SYNJ2: variants seen among roughly 807,000 people sequenced by gnomAD.
The protein encoded by SYNJ2 is synaptojanin 2, also known as polyphosphatidylinositol phosphatase SYNJ2.
Under a neutral mutation model 141.3 loss-of-function variants are expected in SYNJ2, and 116 were observed. That is an observed-to-expected ratio of 0.82 (90% confidence interval 0.71 to 0.96). The LOEUF (loss-of-function observed/expected upper bound fraction) is 0.96, where lower values mean the gene tolerates loss of function less well. SYNJ2 is among the 40% of genes least tolerant of loss of function. The probability of loss-of-function intolerance (pLI) is 0.00; values close to 1 mark genes in which losing one functional copy is unlikely to be tolerated. For missense variants in SYNJ2, 1,873 were observed against 1,934.8 expected (o/e 0.97, Z 0.60); for synonymous variants, 745 against 777.7 (o/e 0.96, Z 0.70).
At chr6:157,984,461 C>T (rs544324546) in intron 1 of SYNJ2, among the ~76,000 whole-genome samples, 1 of 152,038 alleles carries the variant, frequency 6.6e-6, no homozygotes, top group South Asian at 2.1e-4. Context: ...TGAAGTGGTG[C>T]GATCTCGGCT....
At chr6:158,042,881 T>C (rs80138528) in intron 4 of SYNJ2, among the ~76,000 whole-genome samples, 5,603 of 152,296 alleles carry the variant, frequency 0.037, 320 homozygotes, top group African/African-American at 0.12. Flanking sequence ...TGCATTTTAT[T>C]TCATTCAGTC....
At chr6:158,046,147 C>A (rs1236504218) in intron 5 of SYNJ2, among the ~76,000 whole-genome samples, 1 of 152,012 alleles carries the variant, frequency 6.6e-6, no homozygotes, top group Non-Finnish European at 1.5e-5. Context: ...GGTTTCATCA[C>A]GTTGACCAGG....
chr6:158,036,453 G>A (rs9459189), intron 4 of SYNJ2, among the ~76,000 whole-genome samples: 55,032 of 152,022 alleles, frequency 0.36, 10,195 homozygotes, highest in Middle Eastern at 0.48. Context: ...GAATGAGATC[G>A]TGTCCTTTCC....
chr6:157,995,413 C>T lies in SYNJ2; in HGVS notation c.127+13325C>T, dbSNP rs928664227. Among the ~76,000 whole-genome samples the T allele has an allele frequency of 5.3e-5, 8 of 152,312 alleles. No individual in the cohort carries two copies. The East Asian group carries it at 1.3e-3, about 26-fold the overall frequency. On this transcript the variant is annotated intron_variant, in intron 1 of 26. Coordinates refer to ENST00000355585, the MANE Select transcript of SYNJ2 (RefSeq NM_003898.4). ...AAGGAGCACCTTGAAACTCCAGTTC[C>T]ATCACATCCACTCTGCTGGGCCCTC... is the stretch of plus-strand genomic sequence containing the variant.
intron 3 of SYNJ2, among the ~76,000 whole-genome samples, chr6:158,030,072 G>C (rs993867572): frequency 6.6e-6 from 1 of 152,198 alleles, no homozygotes; most frequent in African/African-American, 2.4e-5. Flanking sequence ...CCCAGGCAGA[G>C]GCGGCTGGAT....
intron 5 of SYNJ2, among the ~76,000 whole-genome samples, chr6:158,047,974 G>A (rs546513718): frequency 6.6e-6 from 1 of 152,172 alleles, no homozygotes; most frequent in African/African-American, 2.4e-5. Flanking sequence ...TGTGGGAACA[G>A]GGACACCGTG....
chr6:157,983,978 C>G (rs1310167206), intron 1 of SYNJ2, among the ~76,000 whole-genome samples: 1 of 152,144 alleles, frequency 6.6e-6, no homozygotes, highest in Non-Finnish European at 1.5e-5. Context: ...TAGGCACATG[C>G]CACCATGCCT....
chr6:158,006,200 TGCACAC>T (rs372177771), intron 1 of SYNJ2, among the ~76,000 whole-genome samples: 416 of 152,210 alleles, frequency 2.7e-3, no homozygotes, highest in African/African-American at 9.3e-3. Flanking sequence ...CATGCACATA[TGCACAC>T]GCACACACAT....
intron 1 of SYNJ2, among the ~76,000 whole-genome samples, chr6:158,014,028 C>T (rs961545963): frequency 4.6e-5 from 7 of 152,210 alleles, no homozygotes; most frequent in African/African-American, 9.6e-5. Flanking sequence ...AACTTAACAA[C>T]GGTGTGAAAG....
At chr6:158,062,327 A>C (rs1781276057) in intron 8 of SYNJ2, 163 bp downstream of exon 8, 2 of 812,676 alleles carry the variant, frequency 2.5e-6, no homozygotes, top group Non-Finnish European at 3.0e-6. Context: ...CTCCCCACTC[A>C]GTTACCCTTG....
At chr6:158,061,893 C>A in intron 7 of SYNJ2, 99 bp from the exon 8 acceptor site, 1 of 1,252,286 alleles carries the variant, frequency 8.0e-7, no homozygotes. Context: ...TGCGGCGAGT[C>A]ACCTTGGTTA....
At chr6:158,010,932 G>A (rs1489870187) in intron 1 of SYNJ2, among the ~76,000 whole-genome samples, 1 of 150,034 alleles carries the variant, frequency 6.7e-6, no homozygotes, top group African/African-American at 2.5e-5. Flanking sequence ...GGACACATGG[G>A]GAGAGGATGG....
In SYNJ2 at chr6:158,084,308, G is replaced by T. The variant is rs567039736; in HGVS notation, c.3208+134G>T. ...CCCAGGAGAGACCTCAACCAGGCAG[G>T]CCAAGCGAGGGGTAGGGACTGAGCC... On this transcript the variant is annotated intron_variant, in intron 22 of 26. Coordinates refer to ENST00000355585, the MANE Select transcript of SYNJ2 (RefSeq NM_003898.4). This position sits in a 1 kb window ranked among gnomAD's most constrained non-coding sequence, Gnocchi z 5.0. 24 of 982,540 alleles carry T rather than the reference G, an allele frequency of 2.4e-5. No homozygotes were observed. Among genetic ancestry groups the T allele is most frequent in the South Asian group, 1.3e-4 (8 of 60,570 alleles). The allele number at this position is 982,540 out of a possible 1,614,324, so 60.9% of individuals were successfully genotyped here. A position where few individuals can be genotyped will look rare whatever the true frequency, so the allele number is the denominator to read the frequency against.
chr6:157,992,449 T>C (rs1425853920), intron 1 of SYNJ2, among the ~76,000 whole-genome samples: 1 of 148,278 alleles, frequency 6.7e-6, no homozygotes, highest in Non-Finnish European at 1.5e-5. Flanking sequence ...AGAGTCTTGC[T>C]CTGTCACACA....
At chr6:158,025,019 C>T (rs1778965746) in intron 2 of SYNJ2, among the ~76,000 whole-genome samples, 1 of 152,228 alleles carries the variant, frequency 6.6e-6, no homozygotes, top group Non-Finnish European at 1.5e-5. Flanking sequence ...TGTCTGAGTC[C>T]AGTGTGTTGC....
chr6:158,006,579 C>T (rs1004445941), intron 1 of SYNJ2, among the ~76,000 whole-genome samples: 2 of 152,204 alleles, frequency 1.3e-5, no homozygotes, highest in Non-Finnish European at 1.5e-5. Context: ...ACCCAGAAGT[C>T]GGTGCCCTCC....
At chr6:158,019,109 A>G (rs9459141) in intron 2 of SYNJ2, among the ~76,000 whole-genome samples, 74,820 of 152,164 alleles carry the variant, frequency 0.49, 20,859 homozygotes, top group African/African-American at 0.77. Context: ...TCCACATGGT[A>G]GTATCTGGGC....
Position 158,096,354 on chromosome 6 carries a change from C to T in SYNJ2, c.4481C>T (p.Ala1494Val). 1 of 1,603,026 alleles carries T rather than the reference C, an allele frequency of 6.2e-7. No individual in the cohort carries two copies. The highest frequency in any genetic ancestry group is 8.5e-7 in the Non-Finnish European group (1 of 1,176,192). The change falls in exon 27 of 27, where the codon GCA becomes GTA. Residue 1494 changes from alanine to valine, a missense_variant. Physicochemically the swap from Ala to Val is moderately conservative, Grantham distance 64. Transcript: ENST00000355585. ...RTALQVFDPL[A>V]KT is the part of the protein sequence containing the mutation. ...GCACTGCAGGTGTTTGACCCACTGG[C>T]AAAAACATGACTGAGCAGCTTTGAA...
intron 4 of SYNJ2, among the ~76,000 whole-genome samples, chr6:158,034,598 A>G (rs1287229542): frequency 3.3e-5 from 5 of 152,320 alleles, no homozygotes; most frequent in East Asian, 3.9e-4. Flanking sequence ...ACTCAGAGGA[A>G]CATCAGAGCA....
Sources: gnomAD v4.1 joint callset for allele counts (sites outside exome capture counted in the v4.1 genomes callset) on GRCh38, gnomAD v4.1.1 for gene constraint, Gnocchi (gnomAD v3.1) non-coding constraint, MANE v1.5 for transcripts, NCBI Gene and HGNC (gene_info 2026-07-23, HGNC 2026-07-21) for gene names.